Variants in CNTN4 observed in about 807,000 individuals in gnomAD.
CNTN4 encodes contactin 4.
In CNTN4, 77 loss-of-function variants were observed where a neutral mutation model predicts 122.5. The ratio of observed to expected loss-of-function variants is 0.63; its 90% confidence interval spans 0.52 to 0.76. The LOEUF (loss-of-function observed/expected upper bound fraction) is 0.76, where lower values mean the gene tolerates loss of function less well. Ranked by LOEUF, CNTN4 falls within the 30% of genes least tolerant of loss-of-function variation. CNTN4 has a pLI of 0.00. For synonymous variants in CNTN4, 512 were observed against 447.0 expected, an observed-to-expected ratio of 1.15 and a Z score of -1.83; for missense variants, 1,256 against 1,259.1, an observed-to-expected ratio of 1.00 and a Z score of 0.04.
chr3:2,281,163 A>T (rs1437774123), intron 2 of CNTN4, among the ~76,000 whole-genome samples: 1 of 152,182 alleles, frequency 6.6e-6, no homozygotes, highest in Non-Finnish European at 1.5e-5. Context: ...TTTTGTGATT[A>T]CCAGATATAC....
intron 3 of CNTN4, among the ~76,000 whole-genome samples, chr3:2,461,324 A>G (rs188071144): frequency 1.3e-3 from 196 of 151,838 alleles, no homozygotes; most frequent in Admixed American, 3.0e-3. Context: ...TATGGAAGTT[A>G]TCATTAATTA....
At chr3:2,484,082 C>G (rs754202269) in intron 3 of CNTN4, among the ~76,000 whole-genome samples, 1 of 151,976 alleles carries the variant, frequency 6.6e-6, no homozygotes, top group Non-Finnish European at 1.5e-5. Flanking sequence ...TTAGCAAAAT[C>G]TACAAAGAAC....
intron 3 of CNTN4, among the ~76,000 whole-genome samples, chr3:2,380,585 T>A (rs981612125): frequency 1.3e-5 from 2 of 152,238 alleles, no homozygotes; most frequent in African/African-American, 2.4e-5. Flanking sequence ...ATTCCCACTT[T>A]ACACTGAGTA....
chr3:2,508,071 T>A (rs1246659853), intron 3 of CNTN4, among the ~76,000 whole-genome samples: 2 of 152,194 alleles, frequency 1.3e-5, no homozygotes, highest in African/African-American at 4.8e-5. Flanking sequence ...ATGACCCTGG[T>A]CTCTGGGTCA....
intron 3 of CNTN4, among the ~76,000 whole-genome samples, chr3:2,361,503 C>A (rs868826211): frequency 1.3e-5 from 2 of 152,100 alleles, no homozygotes; most frequent in Admixed American, 6.5e-5. Flanking sequence ...GTTGAGAAAC[C>A]CTGCTCTGTA....
chr3:2,368,094 G>A (rs1389982170), intron 3 of CNTN4, among the ~76,000 whole-genome samples: 3 of 145,806 alleles, frequency 2.1e-5, no homozygotes, highest in South Asian at 2.2e-4. Context: ...GTGCAGTGGC[G>A]CGATCTCGGC....
intron 2 of CNTN4, among the ~76,000 whole-genome samples, chr3:2,269,124 C>T (rs2041167776): frequency 6.6e-6 from 1 of 151,970 alleles, no homozygotes; most frequent in Non-Finnish European, 1.5e-5. Flanking sequence ...GGTTGTGTCC[C>T]CAAAATTAGC....
rs1161316022 is a variant in CNTN4 at position 2,461,665 on chromosome 3, A to G, written c.-88-109751A>G. On this transcript the variant is annotated intron_variant, in intron 3 of 24. Coordinates refer to ENST00000418658, the MANE Select transcript of CNTN4 (RefSeq NM_175607.3). ...AAGTGACTTGTCAAGTTAACAGACT[A>G]TTCAGCAACAGATTTGAATTTTCGT... Among the ~76,000 whole-genome samples the G allele has an allele frequency of 3.9e-5, 6 of 152,260 alleles. No individual in the cohort carries two copies. The East Asian group carries it at 7.7e-4, about 20-fold the overall frequency.
At chr3:2,876,413 A>G (rs534231917) in intron 8 of CNTN4, among the ~76,000 whole-genome samples, 3 of 151,890 alleles carry the variant, frequency 2.0e-5, no homozygotes, top group South Asian at 4.2e-4. Context: ...TATACATCAT[A>G]TGACTTGTTT....
chr3:2,749,962 A>G (rs2090010128), intron 6 of CNTN4, among the ~76,000 whole-genome samples: 1 of 152,212 alleles, frequency 6.6e-6, no homozygotes. Flanking sequence ...ATTGAAGGAA[A>G]AAAAAATGTT....
At chr3:2,735,999 A>C (rs371749701) in intron 4 of CNTN4, 7 of 672,544 alleles carry the variant, frequency 1.0e-5, no homozygotes, top group African/African-American at 8.8e-5. Context: ...TTAGTGACCA[A>C]TGTGAAATAA....
chr3:2,207,534 C>T lies in CNTN4; in HGVS notation c.-145+106895C>T, dbSNP rs750575551. ...GGATAGAAGGTCAAACCAACCACAA[C>T]GTTCCCTTAAAGACCTAACCCTAAT... On this transcript the variant is annotated intron_variant, in intron 2 of 24. Transcript: ENST00000418658. 7.2e-5 allele frequency among the ~76,000 whole-genome samples: 11 copies of T among 152,036 alleles called. No homozygotes were observed. In the East Asian group the frequency reaches 1.3e-3, roughly 19 times the overall value.
chr3:2,244,757 G>A (rs758303760), intron 2 of CNTN4, among the ~76,000 whole-genome samples: 59 of 152,046 alleles, frequency 3.9e-4, no homozygotes, highest in Non-Finnish European at 4.0e-4. Flanking sequence ...AGTATGACCC[G>A]TCAGGAGAGA....
chr3:2,994,508 A>G (rs1013746483), intron 14 of CNTN4, among the ~76,000 whole-genome samples: 2 of 151,672 alleles, frequency 1.3e-5, no homozygotes, highest in Middle Eastern at 3.2e-3. Flanking sequence ...TTAGCTGAGC[A>G]TTTAACGGAT....
chr3:2,917,304 C>T (rs978195083), intron 12 of CNTN4, among the ~76,000 whole-genome samples: 4 of 147,602 alleles, frequency 2.7e-5, no homozygotes, highest in East Asian at 2.0e-4. Context: ...GAGGCGGAGA[C>T]GAGGCAGAGG....
chr3:2,457,792 AG>A (rs1248944380), intron 3 of CNTN4, among the ~76,000 whole-genome samples: 1 of 152,150 alleles, frequency 6.6e-6, no homozygotes, highest in Non-Finnish European at 1.5e-5. Flanking sequence ...AGCATGTTTT[AG>A]CCCAATGCCC....
intron 13 of CNTN4, among the ~76,000 whole-genome samples, chr3:2,931,504 G>T (rs1412156767): frequency 6.6e-6 from 1 of 152,152 alleles, no homozygotes; most frequent in Non-Finnish European, 1.5e-5. Flanking sequence ...AGTGTCACCT[G>T]CTCAGAGACA....
intron 4 of CNTN4, among the ~76,000 whole-genome samples, chr3:2,683,339 C>A (rs2085263595): frequency 1.8e-4 from 27 of 152,002 alleles, no homozygotes; most frequent in Admixed American, 1.8e-3. Context: ...CACACACACA[C>A]ACACACACAC....
chr3:2,391,547 C>T (rs897747976), intron 3 of CNTN4, among the ~76,000 whole-genome samples: 1 of 152,144 alleles, frequency 6.6e-6, no homozygotes, highest in Non-Finnish European at 1.5e-5. Context: ...TCATGTTCTT[C>T]TAACATATCC....
Sources: gnomAD v4.1 joint callset for allele counts (sites outside exome capture counted in the v4.1 genomes callset) on GRCh38, gnomAD v4.1.1 for gene constraint, MANE v1.5 for transcripts, NCBI Gene and HGNC (gene_info 2026-07-23, HGNC 2026-07-21) for gene names.